The following TRIP12 variants were observed in gnomAD, a reference collection of about 807,000 sequenced individuals.
TRIP12 encodes E3 ubiquitin-protein ligase TRIP12.
In TRIP12, 25 loss-of-function variants were observed where a neutral mutation model predicts 244.2. The observed-to-expected ratio is 0.10, with a 90% CI of 0.07 to 0.14. The LOEUF is 0.14. Ranked by LOEUF, TRIP12 falls within the 10% of genes least tolerant of loss-of-function variation. TRIP12 has a pLI of 1.00. For missense variants in TRIP12, 1,677 were observed against 2,486.4 expected, an observed-to-expected ratio of 0.67 and a Z score of 6.92; for synonymous variants, 905 against 873.1, an observed-to-expected ratio of 1.04 and a Z score of -0.64.
At chr2:229,918,593 G>GT (rs2075943399) in intron 1 of TRIP12, among the ~76,000 whole-genome samples, 1 of 152,136 alleles carries the variant, frequency 6.6e-6, no homozygotes, top group Admixed American at 6.5e-5. Flanking sequence ...ATATTAACAA[G>GT]TTTTTTCAGT....
chr2:229,774,010 T>A, intron 38 of TRIP12, 87 bp downstream of exon 38: 1 of 1,423,782 alleles, frequency 7.0e-7, no homozygotes, highest in Non-Finnish European at 9.6e-7. Context: ...TCTCAAGCCA[T>A]AGCGTGTGCA....
chr2:229,868,313 C>T (rs1235551226), intron 2 of TRIP12, among the ~76,000 whole-genome samples: 2 of 152,078 alleles, frequency 1.3e-5, no homozygotes, highest in East Asian at 3.9e-4. Context: ...GTGATCCTCC[C>T]ACTTCACCCT....
chr2:229,837,561 G>A (rs899627149), intron 5 of TRIP12, among the ~76,000 whole-genome samples: 2 of 152,096 alleles, frequency 1.3e-5, no homozygotes, highest in African/African-American at 4.8e-5. Context: ...TCGAACCCGG[G>A]AGGCGGAGGT....
chr2:229,867,696 T>C (rs1291880462), intron 2 of TRIP12, among the ~76,000 whole-genome samples: 1 of 152,162 alleles, frequency 6.6e-6, no homozygotes, highest in African/African-American at 2.4e-5. Context: ...GGAAAGCTTT[T>C]TAAAAGTGGT....
intron 4 of TRIP12, 63 bp downstream of exon 4, chr2:229,858,709 T>C (rs923363472): frequency 5.8e-5 from 82 of 1,411,796 alleles, no homozygotes; most frequent in Non-Finnish European, 1.1e-5. Flanking sequence ...AAAGCATAAT[T>C]GCTTTTGACA....
chr2:229,805,616 T>C, intron 18 of TRIP12, 114 bp downstream of exon 18: 1 of 1,081,252 alleles, frequency 9.2e-7, no homozygotes, highest in Non-Finnish European at 1.2e-6. Context: ...CAAATTATTG[T>C]TATGCAATTG....
At chr2:229,779,024 T>C in intron 34 of TRIP12, 34 bp from the exon 35 acceptor site, 2 of 1,582,044 alleles carry the variant, frequency 1.3e-6, no homozygotes, top group Non-Finnish European at 1.7e-6. Context: ...GATTTCAAAT[T>C]TTAAGAATTG....
intron 32 of TRIP12, 60 bp downstream of exon 32, chr2:229,788,738 T>A (rs1166766983): frequency 6.4e-7 from 1 of 1,569,622 alleles, no homozygotes; most frequent in Non-Finnish European, 8.6e-7. Context: ...TGTAACAAAA[T>A]ACATCAAGAC....
At chr2:229,782,706 A>G (rs2038647858) in intron 34 of TRIP12, among the ~76,000 whole-genome samples, 1 of 152,340 alleles carries the variant, frequency 6.6e-6, no homozygotes, top group East Asian at 1.9e-4. Context: ...ATGAAAAATC[A>G]AAGTCATGAT....
chr2:229,860,219 C>CT (rs1442540352), intron 3 of TRIP12, among the ~76,000 whole-genome samples, 187 bp downstream of exon 3: 27 of 152,190 alleles, frequency 1.8e-4, no homozygotes, highest in African/African-American at 6.0e-4. Flanking sequence ...CATTGACAAA[C>CT]TCACTGTCTA....
chr2:229,824,836 G>A (rs2051096491), intron 8 of TRIP12, among the ~76,000 whole-genome samples: 1 of 152,200 alleles, frequency 6.6e-6, no homozygotes, highest in Non-Finnish European at 1.5e-5. Context: ...GGAAGAAGCA[G>A]GGAAAATGGA....
At chr2:229,783,395 C>G (rs1225705661) in intron 34 of TRIP12, among the ~76,000 whole-genome samples, 1 of 152,088 alleles carries the variant, frequency 6.6e-6, no homozygotes, top group Non-Finnish European at 1.5e-5. Context: ...TTTCCCAAGC[C>G]ATGGGTCTAC....
chr2:229,798,836 T>C (rs554992179), intron 23 of TRIP12, 39 bp downstream of exon 23: 39 of 1,603,152 alleles, frequency 2.4e-5, no homozygotes, highest in Middle Eastern at 1.7e-4. Flanking sequence ...GTTTTTCTGA[T>C]ATGGGAATAG....
At position 229,796,762 on chromosome 2, in the gene TRIP12, G is replaced by A. The variant is rs761039922; in HGVS notation, c.3645C>T (p.Cys1215=). The change falls in exon 25 of 42, where the codon TGC becomes TGT. Residue 1215 remains cysteine, a synonymous_variant. Coordinates refer to ENST00000675903, the MANE Select transcript of TRIP12 (RefSeq NM_001348323.3). ...LNLQVDGGAE[C]LVEIRSIVSE... ...AGACTATGCTACGGATTTCTACAAG[G>A]CACTCAGCTCCACCATCCACCTGAA... The A allele has an allele frequency of 3.1e-6, 5 of 1,591,064 alleles. No individual in the cohort carries two copies. Among genetic ancestry groups the A allele is most frequent in the East Asian group, 4.5e-5 (2 of 44,446 alleles).
chr2:229,920,069 C>A (rs946160075), intron 1 of TRIP12, among the ~76,000 whole-genome samples: 1 of 152,214 alleles, frequency 6.6e-6, no homozygotes, highest in Non-Finnish European at 1.5e-5. Context: ...CTCAACCCCC[C>A]CGGGGTGTAA....
chr2:229,877,718 A>G (rs1167377811), intron 2 of TRIP12, among the ~76,000 whole-genome samples: 1 of 152,238 alleles, frequency 6.6e-6, no homozygotes, highest in African/African-American at 2.4e-5. Flanking sequence ...GTTGTTCTAA[A>G]GGTACAAGTT....
At chr2:229,836,071 T>C (rs992491502) in intron 6 of TRIP12, among the ~76,000 whole-genome samples, 2 of 152,178 alleles carry the variant, frequency 1.3e-5, no homozygotes, top group Admixed American at 1.3e-4. Flanking sequence ...AACTATGACA[T>C]ATGATCAACC....
chr2:229,821,892 C>A (rs1475262492), intron 8 of TRIP12, among the ~76,000 whole-genome samples: 1 of 152,166 alleles, frequency 6.6e-6, no homozygotes, highest in African/African-American at 2.4e-5. Flanking sequence ...GTAATCCCAG[C>A]ACTTTGGGAG....
intron 4 of TRIP12, among the ~76,000 whole-genome samples, chr2:229,845,245 A>G (rs2057334106): frequency 6.6e-6 from 1 of 152,180 alleles, no homozygotes; most frequent in South Asian, 2.1e-4. Context: ...ATGTGAACTG[A>G]TTTGTATTTC....
Sources: allele counts gnomAD v4.1 joint callset (sites outside exome capture counted in the v4.1 genomes callset), GRCh38; gene constraint gnomAD v4.1.1; transcripts MANE v1.5; gene names NCBI Gene and HGNC (gene_info 2026-07-23, HGNC 2026-07-21).